Variants in ADGRL2 observed in about 807,000 individuals in gnomAD.
ADGRL2 encodes the protein adhesion G protein-coupled receptor L2.
Under a neutral mutation model 157.4 loss-of-function variants are expected in ADGRL2, and 44 were observed. The ratio of observed to expected loss-of-function variants is 0.28; its 90% CI spans 0.22 to 0.36. The LOEUF (loss-of-function observed/expected upper bound fraction) is 0.36, where lower values mean the gene tolerates loss of function less well. Among genes scored for constraint, ADGRL2 ranks in the 10% least tolerant of loss-of-function variants. The pLI is 1.00. For synonymous variants in ADGRL2, 585 were observed against 624.7 expected, an observed-to-expected ratio of 0.94 and a Z score of 0.95; for missense variants, 1,510 against 1,768.9, an observed-to-expected ratio of 0.85 and a Z score of 2.63.
intron 2 of ADGRL2, among the ~76,000 whole-genome samples, chr1:81,532,585 A>G (rs1245588973): frequency 2.2e-5 from 3 of 136,510 alleles, no homozygotes; most frequent in Non-Finnish European, 4.9e-5. Context: ...TCATTTTTTT[A>G]TCATCTGGAA....
chr1:81,713,818 C>T (rs2084016873), intron 1 of ADGRL2, among the ~76,000 whole-genome samples: 1 of 152,166 alleles, frequency 6.6e-6, no homozygotes, highest in Non-Finnish European at 1.5e-5. Flanking sequence ...TAGATCATTC[C>T]ATGCCATGCT....
At chr1:81,831,484 GAT>G (rs1220642324) in intron 1 of ADGRL2, among the ~76,000 whole-genome samples, 2 of 152,082 alleles carry the variant, frequency 1.3e-5, no homozygotes, top group African/African-American at 4.8e-5. Flanking sequence ...TAAAGGAAAA[GAT>G]AGTAAAATAA....
intron 2 of ADGRL2, among the ~76,000 whole-genome samples, chr1:81,486,982 A>G (rs2078517422): frequency 1.3e-5 from 2 of 151,188 alleles, no homozygotes; most frequent in East Asian, 2.0e-4. Flanking sequence ...TGGGCTGGGC[A>G]TGGTGGCTCA....
chr1:81,520,892 C>T (rs1455471110), intron 2 of ADGRL2, among the ~76,000 whole-genome samples: 1 of 152,142 alleles, frequency 6.6e-6, no homozygotes, highest in Non-Finnish European at 1.5e-5. Context: ...GCTTTTCATT[C>T]CCCGATCCCA....
At chr1:81,532,261 T>C (rs767582168) in intron 2 of ADGRL2, among the ~76,000 whole-genome samples, 1 of 152,142 alleles carries the variant, frequency 6.6e-6, no homozygotes, top group Non-Finnish European at 1.5e-5. Context: ...TTATACATAA[T>C]TGTCATTTTG....
chr1:81,570,412 G>A (rs1380039432), intron 2 of ADGRL2, among the ~76,000 whole-genome samples: 2 of 152,064 alleles, frequency 1.3e-5, no homozygotes, highest in African/African-American at 2.4e-5. Context: ...TTGACATGGA[G>A]TCTCACTCTG....
intron 1 of ADGRL2, among the ~76,000 whole-genome samples, chr1:81,324,009 T>TC (rs1660711435): frequency 6.6e-6 from 1 of 152,116 alleles, no homozygotes; most frequent in African/African-American, 2.4e-5. Flanking sequence ...CAGGAGAAGC[T>TC]CCCGAAGAAT....
At chr1:81,930,029 AT>A (rs1457394426) in intron 3 of ADGRL2, among the ~76,000 whole-genome samples, 1 of 152,070 alleles carries the variant, frequency 6.6e-6, no homozygotes, top group Non-Finnish European at 1.5e-5. Context: ...TTACACACCA[AT>A]TTTTTTCTGA....
In ADGRL2 at chr1:81,381,515, T is replaced by C. The variant is rs187289245; in HGVS notation, c.-301-63521T>C. On this transcript the variant is annotated intron_variant, in intron 1 of 24. Transcript: ENST00000370721. ...TCACTAGAGCCCAGGAGTTTGAGGA[T>C]GCAGTCATCTGTGATCCACTGCACT... is the stretch of plus-strand genomic sequence containing the variant. Among the ~76,000 whole-genome samples, 103 of 152,230 alleles carry C rather than the reference T, an allele frequency of 6.8e-4. 2 individuals carry two copies. In the Middle Eastern group the frequency reaches 0.024, roughly 35 times the overall value.
At chr1:81,343,342 A>C (rs1662225208) in intron 1 of ADGRL2, among the ~76,000 whole-genome samples, 1 of 152,174 alleles carries the variant, frequency 6.6e-6, no homozygotes, top group Admixed American at 6.5e-5. Flanking sequence ...CCCCTACCTC[A>C]GCCTCCCAAA....
intron 1 of ADGRL2, among the ~76,000 whole-genome samples, chr1:81,703,443 T>C (rs2083637748): frequency 6.6e-6 from 1 of 152,058 alleles, no homozygotes; most frequent in Non-Finnish European, 1.5e-5. Context: ...GTTGTTGTTG[T>C]CTTATTCCAA....
intron 2 of ADGRL2, among the ~76,000 whole-genome samples, chr1:81,898,634 G>A (rs569909713): frequency 6.6e-6 from 1 of 152,216 alleles, no homozygotes; most frequent in Admixed American, 6.5e-5. Flanking sequence ...GCCTTATTAC[G>A]CATCCTTGAT....
At chr1:81,669,988 G>C (rs1044991452) in intron 3 of ADGRL2, among the ~76,000 whole-genome samples, 15 of 151,724 alleles carry the variant, frequency 9.9e-5, no homozygotes, top group African/African-American at 3.1e-4. Context: ...ATCTAGGAAG[G>C]CTTCCCATTT....
intron 2 of ADGRL2, among the ~76,000 whole-genome samples, chr1:81,520,722 G>A (rs1036116197): frequency 2.0e-5 from 3 of 152,160 alleles, no homozygotes; most frequent in Non-Finnish European, 2.9e-5. Context: ...GCAGAACTGT[G>A]AGTCAATTAA....
intron 1 of ADGRL2, among the ~76,000 whole-genome samples, chr1:81,427,789 G>A (rs1165737730): frequency 6.6e-6 from 1 of 152,156 alleles, no homozygotes; most frequent in Non-Finnish European, 1.5e-5. Flanking sequence ...AAACCTTCTT[G>A]TTCAGGACTG....
chr1:81,878,881 G>A (rs1297359827), intron 2 of ADGRL2, among the ~76,000 whole-genome samples: 1 of 152,052 alleles, frequency 6.6e-6, no homozygotes, highest in Non-Finnish European at 1.5e-5. Context: ...TAGTATTTTG[G>A]TTTTACTGGA....
At chr1:81,852,310 A>G (rs1394586394) in intron 2 of ADGRL2, among the ~76,000 whole-genome samples, 1 of 152,104 alleles carries the variant, frequency 6.6e-6, no homozygotes, top group Admixed American at 6.6e-5. Context: ...TGATAAGTCA[A>G]ATAGAAGAGG....
rs559853206 is a variant in ADGRL2 at position 81,603,355 on chromosome 1, G to A, written c.-143+22375G>A. On this transcript the variant is annotated intron_variant, in intron 3 of 24. Coordinates refer to the ADGRL2 transcript ENST00000370721. ...GAAGTGTATATGTGTATGCATGTGT[G>A]TGTGTGTTTGAATGCATGTGTGTGT... Among the ~76,000 whole-genome samples the A allele has an allele frequency of 3.7e-4, 56 of 152,218 alleles. No homozygotes were observed. In the Middle Eastern group the frequency reaches 0.014, roughly 37 times the overall value.
chr1:81,348,011 C>A (rs921857159), intron 1 of ADGRL2, among the ~76,000 whole-genome samples: 8 of 152,302 alleles, frequency 5.3e-5, no homozygotes, highest in African/African-American at 1.9e-4. Context: ...TCACTCCCAC[C>A]ACAGGCCCAG....
Sources: allele counts gnomAD v4.1 joint callset (sites outside exome capture counted in the v4.1 genomes callset), GRCh38; gene constraint gnomAD v4.1.1; transcripts MANE v1.5; gene names NCBI Gene and HGNC (gene_info 2026-07-23, HGNC 2026-07-21).